CNTNAP5: variants seen among roughly 807,000 people sequenced by gnomAD.
CNTNAP5 encodes contactin associated protein family member 5.
A neutral mutation model predicts 150.2 loss-of-function variants in CNTNAP5; 72 were observed. The ratio of observed to expected loss-of-function variants is 0.48; its 90% CI spans 0.40 to 0.58. The LOEUF (loss-of-function observed/expected upper bound fraction) is 0.58, where lower values mean the gene tolerates loss of function less well. CNTNAP5 is among the 20% of genes least tolerant of loss of function. The pLI, the probability that CNTNAP5 is intolerant of heterozygous loss-of-function variation, is 0.00. For synonymous variants in CNTNAP5, 672 were observed against 619.8 expected, an observed-to-expected ratio of 1.08 and a Z score of -1.25; for missense variants, 1,636 against 1,626.2, an observed-to-expected ratio of 1.01 and a Z score of -0.10.
chr2:124,417,259 T>A (rs889430352), intron 3 of CNTNAP5, among the ~76,000 whole-genome samples, 184 bp from the exon 4 acceptor site: 1 of 152,144 alleles, frequency 6.6e-6, no homozygotes, highest in Admixed American at 6.5e-5. Flanking sequence ...TCTTAAAGAA[T>A]AATGTGAAGT....
chr2:124,758,847 C>T (rs1680896797), intron 14 of CNTNAP5, among the ~76,000 whole-genome samples: 1 of 152,042 alleles, frequency 6.6e-6, no homozygotes, highest in Non-Finnish European at 1.5e-5. Context: ...AAAATACTAG[C>T]CATGGACAAG....
intron 22 of CNTNAP5, among the ~76,000 whole-genome samples, chr2:124,906,223 T>C (rs1388277674): frequency 6.6e-6 from 1 of 152,158 alleles, no homozygotes; most frequent in Admixed American, 6.5e-5. Flanking sequence ...AAGTGGTTTG[T>C]ATATGGGTGA....
intron 6 of CNTNAP5, among the ~76,000 whole-genome samples, chr2:124,472,580 CA>C (rs1693541974): frequency 6.6e-6 from 1 of 150,552 alleles, no homozygotes; most frequent in African/African-American, 2.4e-5. Context: ...TATATAAATA[CA>C]TATATATCAT....
At chr2:124,638,206 T>TATATATGATACATATATATGATAC (rs1678012806) in intron 12 of CNTNAP5, among the ~76,000 whole-genome samples, 1 of 42,664 alleles carries the variant, frequency 2.3e-5, no homozygotes, top group African/African-American at 5.1e-5. Context: ...ATATAATACA[T>TATATATGATACATATATATGATAC]ATATATGATA....
At chr2:124,441,680 C>G (rs1692678106) in intron 5 of CNTNAP5, among the ~76,000 whole-genome samples, 1 of 151,810 alleles carries the variant, frequency 6.6e-6, no homozygotes, top group Non-Finnish European at 1.5e-5. Context: ...CATAAATGAA[C>G]TCAGATTTTT....
At chr2:124,302,244 T>C (rs1688581756) in intron 3 of CNTNAP5, among the ~76,000 whole-genome samples, 1 of 152,100 alleles carries the variant, frequency 6.6e-6, no homozygotes, top group African/African-American at 2.4e-5. Flanking sequence ...ACAGACTATA[T>C]ACTGTTAAGA....
At chr2:124,343,083 C>T (rs901580326) in intron 3 of CNTNAP5, among the ~76,000 whole-genome samples, 6 of 152,022 alleles carry the variant, frequency 3.9e-5, no homozygotes, top group Admixed American at 6.6e-5. Flanking sequence ...CAACATAAAG[C>T]AGTTAGTTGT....
chr2:124,754,980 A>AAAATTC (rs1430036323), intron 14 of CNTNAP5, among the ~76,000 whole-genome samples: 1 of 152,204 alleles, frequency 6.6e-6, no homozygotes, highest in Admixed American at 6.5e-5. Flanking sequence ...TAACAGGTTG[A>AAAATTC]AAATTCAAAA....
chr2:124,303,077 G>T (rs2104648058), intron 3 of CNTNAP5, among the ~76,000 whole-genome samples: 1 of 152,214 alleles, frequency 6.6e-6, no homozygotes, highest in East Asian at 1.9e-4. Flanking sequence ...TTTGACTGCA[G>T]TCCCCCCTTA....
Position 124,707,111 on chromosome 2 carries a change from AGGAAGAAGAAGAAAGAAG to A in CNTNAP5, c.2078-40117_2078-40100del, listed in dbSNP as rs1438304153. Among the ~76,000 whole-genome samples the A allele has an allele frequency of 6.9e-3, 830 of 121,100 alleles. 53 individuals carry two copies. Among genetic ancestry groups the A allele is most frequent in the African/African-American group, 0.028 (801 of 28,162 alleles). 79.4% of individuals were successfully genotyped at this position (121,100 alleles called of 152,430 possible). On this transcript the variant is annotated intron_variant, in intron 13 of 23. Transcript: ENST00000682447. The stretch of plus-strand genomic sequence containing the variant: ...GAAGAAGAAGAAGAGGAAGAAGAAG[AGGAAGAAGAAGAAAGAAG>A]AAGAAGAAGAGGAAGAAGAAGAAGA...
chr2:124,567,693 G>A (rs1349081538), intron 11 of CNTNAP5, among the ~76,000 whole-genome samples: 3 of 152,162 alleles, frequency 2.0e-5, no homozygotes, highest in Non-Finnish European at 4.4e-5. Context: ...TAACGTGCAA[G>A]TTCAGAAGCC....
intron 1 of CNTNAP5, among the ~76,000 whole-genome samples, chr2:124,092,303 G>A (rs948878508): frequency 2.0e-5 from 3 of 152,198 alleles, no homozygotes; most frequent in Admixed American, 6.5e-5. Flanking sequence ...TAGTCCAGGG[G>A]TTGGCAAACT....
At chr2:124,507,949 C>T (rs945602925) in intron 8 of CNTNAP5, among the ~76,000 whole-genome samples, 1 of 152,168 alleles carries the variant, frequency 6.6e-6, no homozygotes, top group Non-Finnish European at 1.5e-5. Flanking sequence ...GGCATCTCGT[C>T]ACTTCTGTCA....
At position 124,025,637 on chromosome 2, in the gene CNTNAP5, C is replaced by T. The variant is rs552870855; in HGVS notation, c.-14C>T. 1 of 1,613,562 alleles carries T rather than the reference C, an allele frequency of 6.2e-7. No individual in the cohort carries two copies. Among genetic ancestry groups the T allele is most frequent in the South Asian group, 1.1e-5 (1 of 91,076 alleles). On this transcript the variant is annotated 5_prime_UTR_variant, in exon 1 of 24. Transcript: ENST00000682447. ...TTTGGGATTCGATTGGGAGGGACCGCTCACTCGGGGGAAATGGATTCTTTA... is the reference window on the plus strand; with the variant it reads ...TTTGGGATTCGATTGGGAGGGACCGTTCACTCGGGGGAAATGGATTCTTTA...
intron 13 of CNTNAP5, among the ~76,000 whole-genome samples, chr2:124,655,971 GAAAGAAAGAAAGAAAGAAAGAAAGAAAA>G (rs1275968358): frequency 7.9e-6 from 1 of 127,382 alleles, no homozygotes; most frequent in Non-Finnish European, 1.6e-5. Flanking sequence ...AAGAAAGAAA[GAAAGAAAGAAAGAAAGAAAGAAAGAAAA>G]AAGGAAGGAA....
intron 7 of CNTNAP5, among the ~76,000 whole-genome samples, chr2:124,502,207 T>C (rs2104860903): frequency 6.6e-6 from 1 of 152,276 alleles, no homozygotes; most frequent in East Asian, 1.9e-4. Flanking sequence ...ACTCCTTAGA[T>C]TCTGAGCAAC....
intron 12 of CNTNAP5, among the ~76,000 whole-genome samples, chr2:124,623,542 C>G (rs2104999793): frequency 6.6e-6 from 1 of 152,308 alleles, no homozygotes; most frequent in East Asian, 1.9e-4. Flanking sequence ...ACTTTAGTTT[C>G]TCTGTCTGTA....
chr2:124,217,672 T>C (rs1477198830), intron 1 of CNTNAP5, among the ~76,000 whole-genome samples: 1 of 152,170 alleles, frequency 6.6e-6, no homozygotes, highest in African/African-American at 2.4e-5. Flanking sequence ...TGATACCAAT[T>C]TGTGGGCAAG....
At chr2:124,902,076 T>C (rs545220693) in intron 21 of CNTNAP5, among the ~76,000 whole-genome samples, 1 of 152,240 alleles carries the variant, frequency 6.6e-6, no homozygotes, top group South Asian at 2.1e-4. Context: ...AAAAGATGGC[T>C]CATTATGCAT....
Sources: allele counts gnomAD v4.1 joint callset (sites outside exome capture counted in the v4.1 genomes callset), GRCh38; gene constraint gnomAD v4.1.1; transcripts MANE v1.5; gene names NCBI Gene and HGNC (gene_info 2026-07-23, HGNC 2026-07-21).